Variants in CLIP4 observed in about 807,000 individuals in gnomAD.
CLIP4 encodes the protein CAP-Gly domain-containing linker protein 4.
A neutral mutation model predicts 73.1 loss-of-function variants in CLIP4; 47 were observed. That is an observed-to-expected ratio of 0.64 (90% CI 0.51 to 0.82). The LOEUF (loss-of-function observed/expected upper bound fraction) is 0.82, where lower values mean the gene tolerates loss of function less well. CLIP4 is among the 40% of genes least tolerant of loss of function. CLIP4 has a pLI of 0.00. For synonymous variants in CLIP4, 306 were observed against 295.4 expected, an observed-to-expected ratio of 1.04 and a Z score of -0.37; for missense variants, 874 against 852.9, an observed-to-expected ratio of 1.02 and a Z score of -0.31.
At chr2:29,146,940 C>G (rs1666209710) in intron 8 of CLIP4, among the ~76,000 whole-genome samples, 1 of 152,100 alleles carries the variant, frequency 6.6e-6, no homozygotes, top group Non-Finnish European at 1.5e-5. Flanking sequence ...TAACTAGTTT[C>G]CTTTCATCAC....
At chr2:29,133,245 CAT>C (rs912381330) in intron 4 of CLIP4, among the ~76,000 whole-genome samples, 1 of 152,066 alleles carries the variant, frequency 6.6e-6, no homozygotes, top group African/African-American at 2.4e-5. Flanking sequence ...AATGAGAAGA[CAT>C]ATTAAATAGG....
At chr2:29,131,679 A>G (rs1372229690) in intron 3 of CLIP4, 1 of 281,054 alleles carries the variant, frequency 3.6e-6, no homozygotes, top group East Asian at 7.4e-5. Flanking sequence ...GTAAACTTTT[A>G]TGCATTTCAT....
intron 2 of CLIP4, among the ~76,000 whole-genome samples, chr2:29,125,897 G>A (rs1034989593): frequency 6.6e-6 from 1 of 152,080 alleles, no homozygotes; most frequent in Non-Finnish European, 1.5e-5. Context: ...TTTTTAGGCC[G>A]GGCTTGGTAG....
At chr2:29,110,963 G>C (rs887848500), upstream of CLIP4, among the ~76,000 whole-genome samples, 3 of 152,202 alleles carry the variant, frequency 2.0e-5, no homozygotes, top group Admixed American at 2.0e-4. Context: ...TGGGATTACA[G>C]GTGTGAGCCA....
intron 8 of CLIP4, among the ~76,000 whole-genome samples, chr2:29,147,431 G>A (rs772743992): frequency 4.6e-5 from 7 of 151,802 alleles, no homozygotes; most frequent in Non-Finnish European, 7.4e-5. Flanking sequence ...AATGTTTTTT[G>A]GACATGTAGT....
At chr2:29,170,296 G>T (rs1667919107) in intron 14 of CLIP4, among the ~76,000 whole-genome samples, 1 of 152,090 alleles carries the variant, frequency 6.6e-6, no homozygotes, top group South Asian at 2.1e-4. Context: ...TGGATTATAT[G>T]ATAGTTCTAT....
intron 2 of CLIP4, among the ~76,000 whole-genome samples, chr2:29,121,890 A>C (rs1332133436): frequency 1.3e-5 from 2 of 152,218 alleles, no homozygotes; most frequent in Non-Finnish European, 2.9e-5. Flanking sequence ...AGAGGGTAAG[A>C]GACCCTTCCC....
intron 5 of CLIP4, 71 bp downstream of exon 5, chr2:29,133,887 C>A: frequency 7.5e-7 from 1 of 1,326,752 alleles, no homozygotes; most frequent in Non-Finnish European, 1.0e-6. Flanking sequence ...AATTATAATT[C>A]AAGGATATTT....
At chr2:29,125,556 T>C (rs982094708) in intron 2 of CLIP4, among the ~76,000 whole-genome samples, 3 of 152,082 alleles carry the variant, frequency 2.0e-5, no homozygotes, top group African/African-American at 7.2e-5. Flanking sequence ...GAGTCCAGAC[T>C]CTTACTTAGC....
At chr2:29,122,358 A>G (rs936202433) in intron 2 of CLIP4, among the ~76,000 whole-genome samples, 9 of 152,090 alleles carry the variant, frequency 5.9e-5, no homozygotes, top group African/African-American at 1.9e-4. Flanking sequence ...GCAGTAATCA[A>G]CTGGGCTTAT....
At chr2:29,124,065 A>G (rs529392937) in intron 2 of CLIP4, among the ~76,000 whole-genome samples, 6 of 152,292 alleles carry the variant, frequency 3.9e-5, no homozygotes, top group African/African-American at 1.4e-4. Context: ...TCATTTACCC[A>G]TGTAGTTACC....
chr2:29,127,496 A>T (rs1664679868), intron 2 of CLIP4, among the ~76,000 whole-genome samples: 1 of 152,184 alleles, frequency 6.6e-6, no homozygotes, highest in African/African-American at 2.4e-5. Flanking sequence ...TTAAGGGAAA[A>T]GAGAAAAGGC....
intron 14 of CLIP4, among the ~76,000 whole-genome samples, chr2:29,169,938 G>C (rs1667897350): frequency 3.9e-5 from 6 of 152,020 alleles, no homozygotes; most frequent in Admixed American, 3.9e-4. Context: ...CAGCCTTTGA[G>C]GCTAATCATT....
At chr2:29,098,482 C>T (rs989952743) in intron 1 of CLIP4, among the ~76,000 whole-genome samples, 2 of 152,192 alleles carry the variant, frequency 1.3e-5, no homozygotes, top group Non-Finnish European at 2.9e-5. Flanking sequence ...CTTTTTCAGC[C>T]TAGCTTCTTC....
chr2:29,103,955 C>T (rs1668127855), intron 1 of CLIP4, among the ~76,000 whole-genome samples: 1 of 151,864 alleles, frequency 6.6e-6, no homozygotes, highest in Non-Finnish European at 1.5e-5. Context: ...GATCCACCTG[C>T]CTCGGCCTCC....
rs1272532163 is a variant in CLIP4 at position 29,124,211 on chromosome 2, A to G, written c.133+2690A>G. Among the ~76,000 whole-genome samples, 5 of 151,986 alleles carry G rather than the reference A, an allele frequency of 3.3e-5. No homozygotes were observed. In the East Asian group the frequency reaches 5.8e-4, roughly 18 times the overall value. Reference sequence around the variant, plus strand: ...AGTGATGAATTCTTTCAGCTGTTTTATGTCTGAAAACATCTTTATTTACCT... The same window carrying G: ...AGTGATGAATTCTTTCAGCTGTTTTGTGTCTGAAAACATCTTTATTTACCT... On this transcript the variant is annotated intron_variant, in intron 2 of 15. Coordinates refer to ENST00000320081, the MANE Select transcript of CLIP4 (RefSeq NM_024692.6).
At chr2:29,157,118 G>T in intron 10 of CLIP4, 86 bp from the exon 11 acceptor site, 1 of 1,172,124 alleles carries the variant, frequency 8.5e-7, no homozygotes, top group Non-Finnish European at 1.3e-6. Context: ...GTTAAATGAA[G>T]AATTTCAGAA....
At chr2:29,120,943 A>C (rs145971590) in intron 1 of CLIP4, among the ~76,000 whole-genome samples, 49 of 152,256 alleles carry the variant, frequency 3.2e-4, no homozygotes, top group African/African-American at 1.1e-3. Context: ...ATTTTAAGGT[A>C]GATTATCTTC....
chr2:29,128,148 G>C lies in CLIP4; in HGVS notation c.134-3110G>C, dbSNP rs541536330. Among the ~76,000 whole-genome samples, 3 of 149,826 alleles carry C rather than the reference G, an allele frequency of 2.0e-5. No individual in the cohort carries two copies. The South Asian group carries it at 6.3e-4, about 32-fold the overall frequency. ...GTTAGTTTCACATTTATTTGACAAT[G>C]CTTCCCATGCAAAGATGCTTAATTA... On this transcript the variant is annotated intron_variant, in intron 2 of 15. Transcript: ENST00000320081.
Sources: gnomAD v4.1 joint callset for allele counts (sites outside exome capture counted in the v4.1 genomes callset) on GRCh38, gnomAD v4.1.1 for gene constraint, MANE v1.5 for transcripts, NCBI Gene and HGNC (gene_info 2026-07-23, HGNC 2026-07-21) for gene names.